Variants in RARB observed in about 807,000 individuals in gnomAD.
The protein encoded by RARB is retinoic acid receptor beta, also known as HBV-activated protein.
A neutral mutation model predicts 51.9 loss-of-function variants in RARB; 17 were observed. That is an observed-to-expected ratio of 0.33 (90% CI 0.22 to 0.49). The LOEUF is 0.49. RARB is among the 20% of genes least tolerant of loss of function. The pLI, the probability that RARB is intolerant of heterozygous loss-of-function variation, is 0.99. For synonymous variants in RARB, 215 were observed against 195.4 expected, an observed-to-expected ratio of 1.10 and a Z score of -0.84; for missense variants, 369 against 550.8, an observed-to-expected ratio of 0.67 and a Z score of 3.30.
chr3:25,056,556 C>T (rs1407985878), intron 2 of RARB, among the ~76,000 whole-genome samples: 1 of 152,100 alleles, frequency 6.6e-6, no homozygotes, highest in Non-Finnish European at 1.5e-5. Flanking sequence ...ATTCTTGCCA[C>T]ATGTTTTAAA....
At chr3:25,518,808 T>C (rs1229605450) in intron 3 of RARB, among the ~76,000 whole-genome samples, 1 of 152,210 alleles carries the variant, frequency 6.6e-6, no homozygotes, top group Non-Finnish European at 1.5e-5. Context: ...ATAACTTACA[T>C]ATCTTAATGG....
intron 5 of RARB, among the ~76,000 whole-genome samples, chr3:25,236,949 T>C (rs1247221774): frequency 8.5e-6 from 1 of 117,062 alleles, no homozygotes; most frequent in Non-Finnish European, 1.8e-5. Context: ...GATAATTCTG[T>C]TCTCTTATCC....
At chr3:24,984,291 T>G (rs1450395825) in intron 2 of RARB, among the ~76,000 whole-genome samples, 1 of 152,128 alleles carries the variant, frequency 6.6e-6, no homozygotes, top group African/African-American at 2.4e-5. Context: ...AAAACTATAT[T>G]AGATACTACT....
intron 5 of RARB, among the ~76,000 whole-genome samples, chr3:25,280,622 G>C (rs570797689): frequency 2.6e-5 from 4 of 152,254 alleles, no homozygotes; most frequent in African/African-American, 9.6e-5. Context: ...CCACAAAGAT[G>C]GAGGGTACAG....
intron 4 of RARB, among the ~76,000 whole-genome samples, chr3:25,148,196 T>C (rs956975621): frequency 2.0e-5 from 3 of 152,152 alleles, no homozygotes; most frequent in Admixed American, 2.0e-4. Context: ...CCCAACATAT[T>C]GATGTAAGCC....
At chr3:25,552,553 C>A (rs1052039382) in intron 3 of RARB, among the ~76,000 whole-genome samples, 2 of 152,094 alleles carry the variant, frequency 1.3e-5, no homozygotes, top group Non-Finnish European at 2.9e-5. Flanking sequence ...AGATAGCTGG[C>A]CCTGCTTTGC....
chr3:25,030,222 T>C (rs925358864), intron 2 of RARB, among the ~76,000 whole-genome samples: 32 of 152,248 alleles, frequency 2.1e-4, no homozygotes, highest in African/African-American at 7.7e-4. Context: ...TATTATATTG[T>C]TCAACTTGTG....
At chr3:25,493,040 C>G (rs1225520019) in intron 2 of RARB, among the ~76,000 whole-genome samples, 1 of 150,354 alleles carries the variant, frequency 6.7e-6, no homozygotes, top group East Asian at 2.0e-4. Flanking sequence ...CTTGAGACAA[C>G]TCAGCTTTCT....
chr3:25,330,292 C>T (rs1003660147), intron 5 of RARB, among the ~76,000 whole-genome samples: 4 of 152,144 alleles, frequency 2.6e-5, no homozygotes, highest in Admixed American at 6.5e-5. Flanking sequence ...CAAAGGGAAG[C>T]CCATCAGACT....
At chr3:25,258,436 C>A (rs1702919853) in intron 5 of RARB, among the ~76,000 whole-genome samples, 1 of 152,034 alleles carries the variant, frequency 6.6e-6, no homozygotes, top group Non-Finnish European at 1.5e-5. Context: ...ATAGAAGCTG[C>A]TGGGAGGTTT....
intron 2 of RARB, among the ~76,000 whole-genome samples, chr3:25,500,731 A>C (rs1697271701): frequency 6.6e-6 from 1 of 151,990 alleles, no homozygotes. Flanking sequence ...CTCCTGCCTC[A>C]GCCTCCCAAA....
At chr3:24,890,633 A>G (rs1300411937) in intron 2 of RARB, among the ~76,000 whole-genome samples, 2 of 152,302 alleles carry the variant, frequency 1.3e-5, no homozygotes, top group South Asian at 4.1e-4. Context: ...CATGTTTTCA[A>G]TTGACTATAA....
intron 2 of RARB, among the ~76,000 whole-genome samples, chr3:24,896,768 A>G (rs1703488385): frequency 6.6e-6 from 1 of 152,224 alleles, no homozygotes; most frequent in African/African-American, 2.4e-5. Flanking sequence ...AATAGGCTAG[A>G]GAGTTGTGTT....
chr3:25,590,711 GA>G (rs1253924292), intron 5 of RARB, among the ~76,000 whole-genome samples: 1 of 152,216 alleles, frequency 6.6e-6, no homozygotes, highest in Non-Finnish European at 1.5e-5. Flanking sequence ...GGTAGGGACA[GA>G]TTTCACCGTG....
At chr3:25,571,265 C>A (rs542115416) in intron 4 of RARB, among the ~76,000 whole-genome samples, 2 of 152,226 alleles carry the variant, frequency 1.3e-5, no homozygotes, top group African/African-American at 4.8e-5. Context: ...ACTCAGCGTG[C>A]ATCTGAAGCA....
At chr3:24,895,557 C>CCT (rs1553611656) in intron 2 of RARB, among the ~76,000 whole-genome samples, 5 of 130,640 alleles carry the variant, frequency 3.8e-5, no homozygotes, top group East Asian at 5.7e-4. Flanking sequence ...AAAATTTACG[C>CCT]TTTTTTTTTT....
intron 5 of RARB, among the ~76,000 whole-genome samples, chr3:25,232,376 T>C (rs924554899): frequency 6.6e-6 from 1 of 152,170 alleles, no homozygotes; most frequent in Non-Finnish European, 1.5e-5. Flanking sequence ...CTGAAAGTCA[T>C]TGCATTGAAT....
At chr3:24,935,694 G>A (rs901228713) in intron 2 of RARB, among the ~76,000 whole-genome samples, 1 of 152,142 alleles carries the variant, frequency 6.6e-6, no homozygotes, top group African/African-American at 2.4e-5. Flanking sequence ...TCGGTGGAGT[G>A]TTTTCAAGTA....
intron 5 of RARB, among the ~76,000 whole-genome samples, chr3:25,410,080 A>G (rs914917411): frequency 6.6e-6 from 1 of 152,176 alleles, no homozygotes; most frequent in Non-Finnish European, 1.5e-5. Flanking sequence ...TAATCCGTTC[A>G]TCATTCCCTC....
Sources: gnomAD v4.1 joint callset for allele counts (sites outside exome capture counted in the v4.1 genomes callset) on GRCh38, gnomAD v4.1.1 for gene constraint, MANE v1.5 for transcripts, NCBI Gene and HGNC (gene_info 2026-07-23, HGNC 2026-07-21) for gene names.